The following RSRP1 variants were observed in gnomAD, a reference collection of about 807,000 sequenced individuals.
The protein encoded by RSRP1 is arginine and serine rich protein 1, also known as arginine/serine-rich protein 1.
RSRP1 carries 37 observed loss-of-function variants against 33.0 expected under a neutral mutation model. That is an observed-to-expected ratio of 1.12 (90% CI 0.86 to 1.48). The LOEUF is 1.48. Among genes scored for constraint, RSRP1 ranks in the 40% most tolerant of loss-of-function variants. The pLI is 0.00. For missense variants in RSRP1, 402 were observed against 385.3 expected (o/e 1.04, Z -0.36); for synonymous variants, 167 against 158.7 (o/e 1.05, Z -0.40).
intron 1 of RSRP1, chr1:25,267,875 G>A (rs1313374598): frequency 2.3e-5 from 3 of 131,460 alleles, no homozygotes; most frequent in East Asian, 3.9e-4. Flanking sequence ...AACCCAGAGC[G>A]GCGGAAAGCC....
rs866273722 is a variant in RSRP1 at position 25,299,254 on chromosome 1, T to C, written c.-67+38724A>G. ...AAAATTAGCCGGGCACGGTGGTGGG[T>C]GCCTGTAATCCCAGCTACTTGGGAG... On this transcript the variant is annotated intron_variant, in intron 1 of 1. Coordinates refer to the RSRP1 transcript ENST00000561867. 2.7e-3 allele frequency among the ~76,000 whole-genome samples: 341 copies of C among 127,214 alleles called. 22 individuals carry two copies. The highest frequency in any genetic ancestry group is 0.012 in the Middle Eastern group (3 of 244). The allele number at this position is 127,214 out of a possible 152,430, so 83.5% of individuals were successfully genotyped here. A position where few individuals can be genotyped will look rare whatever the true frequency, so the allele number is the denominator to read the frequency against.
intron 1 of RSRP1, chr1:25,321,979 A>G (rs1346268786): frequency 8.5e-7 from 1 of 1,179,058 alleles, no homozygotes; most frequent in Non-Finnish European, 1.3e-6. Flanking sequence ...TTTTTCACCT[A>G]TTAACGTGAT....
chr1:25,332,218 G>T (rs1645028237), intron 1 of RSRP1, among the ~76,000 whole-genome samples: 1 of 127,168 alleles, frequency 7.9e-6, no homozygotes, highest in African/African-American at 2.7e-5. Flanking sequence ...TGTATTTTTA[G>T]TAGAAATGGG....
At chr1:25,290,450 G>A (rs543577612) in intron 1 of RSRP1, among the ~76,000 whole-genome samples, 2,400 of 128,148 alleles carry the variant, frequency 0.019, 274 homozygotes, top group African/African-American at 0.059. Flanking sequence ...CCACCTTAAC[G>A]GGAGAAGAGA....
Position 25,314,980 on chromosome 1 carries a change from G to A in RSRP1, c.-67+22998C>T, listed in dbSNP as rs191251815. 3.9e-4 allele frequency among the ~76,000 whole-genome samples: 50 copies of A among 129,702 alleles called. 9 individuals are homozygous for A. The highest frequency in any genetic ancestry group is 9.5e-4 in the South Asian group (4 of 4,208). The allele number at this position is 129,702 out of a possible 152,430, so 85.1% of individuals were successfully genotyped here. On this transcript the variant is annotated intron_variant, in intron 1 of 1. Coordinates refer to the RSRP1 transcript ENST00000561867. ...AGCACTTTGGGAGGCTGAGGCTGGC[G>A]GATCACAAGGTCAAGAGATCGAGAT...
At chr1:25,265,994 A>AT (rs1221701841) in intron 1 of RSRP1, 1 of 93,122 alleles carries the variant, frequency 1.1e-5, no homozygotes, top group East Asian at 2.3e-4. Flanking sequence ...TAAAATGTGG[A>AT]TGTCAGTTAA....
At chr1:25,288,211 C>T (rs143638486) in intron 1 of RSRP1, among the ~76,000 whole-genome samples, 2,778 of 131,060 alleles carry the variant, frequency 0.021, 426 homozygotes, top group African/African-American at 0.066. Context: ...AGAGACAGGA[C>T]CTCACTGTGT....
At chr1:25,266,543 T>C (rs1372883315) in intron 1 of RSRP1, among the ~76,000 whole-genome samples, 1 of 128,640 alleles carries the variant, frequency 7.8e-6, no homozygotes, top group African/African-American at 2.8e-5. Context: ...TGCAGTTTTA[T>C]CTACTAATCG....
chr1:25,317,999 G>C (rs1644496850), intron 1 of RSRP1: 1 of 131,222 alleles, frequency 7.6e-6, no homozygotes, highest in African/African-American at 2.6e-5. Flanking sequence ...TAGGGGAGTT[G>C]CTAATTAGCC....
In RSRP1 at chr1:25,290,662, T is replaced by C. The variant is rs202003705; in HGVS notation, c.-66-43633A>G. 207 of 1,378,080 alleles carry C rather than the reference T, an allele frequency of 1.5e-4. 16 individuals are homozygous for C. The East Asian group carries it at 4.3e-3, about 29-fold the overall frequency. The allele number at this position is 1,378,080 out of a possible 1,614,324, so 85.4% of individuals were successfully genotyped here. On this transcript the variant is annotated intron_variant, in intron 1 of 1. Transcript: ENST00000561867. The stretch of plus-strand genomic sequence containing the variant: ...CCAGTATTCGGCTGGCCACCATGAG[T>C]GCTTTGTCGGTGCTGATCTCAGTGG...
chr1:25,279,057 C>G (rs1641255052), intron 1 of RSRP1, among the ~76,000 whole-genome samples: 1 of 129,664 alleles, frequency 7.7e-6, no homozygotes, highest in Non-Finnish European at 1.8e-5. Context: ...GGAGGGGGCG[C>G]AGATCCAGAA....
Position 25,256,479 on chromosome 1 carries a change from CAG to C in RSRP1, c.-66-9452_-66-9451del, listed in dbSNP as rs577080320. Among the ~76,000 whole-genome samples the C allele has an allele frequency of 3.0e-4, 45 of 152,164 alleles. No individual in the cohort carries two copies. The East Asian group carries it at 6.0e-3, about 20-fold the overall frequency. ...TTGAGATTTTGTTGCTGTTATTAGA[CAG>C]AGTCTCACTCAGTCACCCAGGATGG... On this transcript the variant is annotated intron_variant, in intron 1 of 1. Transcript: ENST00000561867.
chr1:25,249,505 AT>A (rs1175400130), upstream of RSRP1, among the ~76,000 whole-genome samples: 2 of 151,934 alleles, frequency 1.3e-5, no homozygotes, highest in East Asian at 3.9e-4. Context: ...TGCCCAGCTA[AT>A]TTTTTTTGTA....
At chr1:25,281,592 G>T (rs1641492216) in intron 1 of RSRP1, among the ~76,000 whole-genome samples, 2 of 131,586 alleles carry the variant, frequency 1.5e-5, no homozygotes, top group Admixed American at 1.5e-4. Context: ...TTCCTGCTTG[G>T]CTCCTGAGGG....
At chr1:25,276,532 T>TAAAAAACAAAAAAAAAA (rs1640997583) in intron 1 of RSRP1, among the ~76,000 whole-genome samples, 1 of 64,786 alleles carries the variant, frequency 1.5e-5, no homozygotes, top group African/African-American at 7.2e-5. Flanking sequence ...CCCCCATCTC[T>TAAAAAACAAAAAAAAAA]AAAAAAAAAA....
In RSRP1 at chr1:25,320,723, G is replaced by C. The variant is rs1644651961; in HGVS notation, c.-67+17255C>G. On this transcript the variant is annotated intron_variant, in intron 1 of 1. Transcript: ENST00000561867. ...TCAGGAAGCTGGAGGAATACATATG[G>C]CCAAGCTATCTGGGCAGAGAGTAGA... Among the ~76,000 whole-genome samples, 2 of 132,084 alleles carry C rather than the reference G, an allele frequency of 1.5e-5. 1 individual carries two copies. The highest frequency in any genetic ancestry group is 3.6e-5 in the Non-Finnish European group (2 of 55,766). 86.7% of individuals were successfully genotyped at this position (132,084 alleles called of 152,430 possible).
At position 25,245,230 on chromosome 1, in the gene RSRP1, G is replaced by C. The variant is rs1464226465; in HGVS notation, c.592C>G (p.Pro198Ala). ...GAAGGAACAGTTCTGAGACTAGCTG[G>C]CAAGTCAATGTTGGTTGTTCCTAGA... ...KALGTTNIDLPASLRTVPSAK... is the reference protein window; with the variant it reads ...KALGTTNIDLAASLRTVPSAK... The change falls in exon 3 of 5, where the codon CCA becomes GCA. Residue 198 changes from proline (P) to alanine (A), a missense_variant. By Grantham distance (27) the Pro-to-Ala change is conservative. Transcript: ENST00000243189. The C allele has an allele frequency of 7.4e-6, 12 of 1,613,896 alleles. 1 individual carries two copies. In the African/African-American group the frequency reaches 9.3e-5, roughly 13 times the overall value.
intron 1 of RSRP1, among the ~76,000 whole-genome samples, chr1:25,256,911 C>T (rs1053006330): frequency 6.6e-6 from 1 of 152,184 alleles, no homozygotes; most frequent in African/African-American, 2.4e-5. Context: ...GTCAAGTTAC[C>T]TTCACTTGCT....
chr1:25,332,139 C>T lies in RSRP1; in HGVS notation c.-67+5839G>A, dbSNP rs1340414138. 2.4e-5 allele frequency among the ~76,000 whole-genome samples: 3 copies of T among 124,662 alleles called. 1 individual carries two copies. Among genetic ancestry groups the T allele is most frequent in the Non-Finnish European group, 5.7e-5 (3 of 52,918 alleles). 81.8% of individuals were successfully genotyped at this position (124,662 alleles called of 152,430 possible). On this transcript the variant is annotated intron_variant, in intron 1 of 1. Transcript: ENST00000561867. ...CACTGCAACCTCTACCATGTTCAAG[C>T]GATTCTCCCACCTCTGCCTCCCGTG...
Sources: allele counts gnomAD v4.1 joint callset (sites outside exome capture counted in the v4.1 genomes callset), GRCh38; gene constraint gnomAD v4.1.1; transcripts MANE v1.5; gene names NCBI Gene and HGNC (gene_info 2026-07-23, HGNC 2026-07-21).